The following COLGALT2 variants were observed in gnomAD, a reference collection of about 807,000 sequenced individuals.
The protein encoded by COLGALT2 is procollagen galactosyltransferase 2.
In COLGALT2, 49 loss-of-function variants were observed where a neutral mutation model predicts 73.4. The observed-to-expected ratio is 0.67, with a 90% CI of 0.53 to 0.85. The LOEUF (loss-of-function observed/expected upper bound fraction) is 0.85. Ranked by LOEUF, COLGALT2 falls within the 40% of genes least tolerant of loss-of-function variation. The pLI is 0.00. For synonymous variants in COLGALT2, 295 were observed against 307.6 expected (o/e 0.96, Z 0.43); for missense variants, 722 against 790.2 (o/e 0.91, Z 1.03).
At position 183,930,257 on chromosome 1, in the gene COLGALT2, TG is replaced by T. The variant is rs1362694800; in HGVS notation, c.1636del (p.Gln546LysfsTer16). On this transcript the variant is annotated frameshift_variant, in exon 12 of 12. Transcript: ENST00000649786. LOFTEE classifies it low-confidence loss of function (END_TRUNC). ...CCGTTGGCAGTCATCAGAAAGTGTT[TG>T]GAAGAGATGGCAGTGAGGACTTGAG... The T allele has an allele frequency of 2.2e-6, 1 of 456,144 alleles. No individual in the cohort carries two copies. The highest frequency in any genetic ancestry group is 2.0e-5 in the African/African-American group (1 of 50,038). 28.3% of individuals were successfully genotyped at this position (456,144 alleles called of 1,614,324 possible).
intron 2 of COLGALT2, among the ~76,000 whole-genome samples, chr1:183,975,684 T>C (rs1403399709): frequency 6.6e-6 from 1 of 152,252 alleles, no homozygotes; most frequent in Non-Finnish European, 1.5e-5. Context: ...AATCTACTTG[T>C]TGGAGTCTCC....
At chr1:183,990,600 G>A (rs750003741) in intron 1 of COLGALT2, among the ~76,000 whole-genome samples, 12 of 152,214 alleles carry the variant, frequency 7.9e-5, no homozygotes, top group Non-Finnish European at 1.5e-4. Flanking sequence ...GAAGGGCCAC[G>A]AGAGGCTTCT....
At chr1:183,932,285 C>T (rs542146487), downstream of COLGALT2, among the ~76,000 whole-genome samples, 23 of 152,284 alleles carry the variant, frequency 1.5e-4, no homozygotes, top group African/African-American at 5.5e-4. Flanking sequence ...TCCCTTAGCT[C>T]TTTGCCTTAT....
intron 1 of COLGALT2, among the ~76,000 whole-genome samples, chr1:184,006,832 C>A (rs1186448792): frequency 6.6e-6 from 1 of 152,138 alleles, no homozygotes; most frequent in African/African-American, 2.4e-5. Context: ...ATTCTAATAA[C>A]GTATTTTCCC....
chr1:184,036,681 A>G (rs974753225), intron 1 of COLGALT2, among the ~76,000 whole-genome samples: 2 of 152,202 alleles, frequency 1.3e-5, no homozygotes, highest in African/African-American at 4.8e-5. Flanking sequence ...CTACATGGGA[A>G]TACGGCGACA....
chr1:183,951,504 G>A (rs1158008389), intron 7 of COLGALT2, among the ~76,000 whole-genome samples: 2 of 152,074 alleles, frequency 1.3e-5, no homozygotes. Flanking sequence ...CAGTAAAGTT[G>A]CAAGATACAA....
chr1:183,987,412 C>T (rs1029212101), intron 1 of COLGALT2, among the ~76,000 whole-genome samples: 1 of 152,146 alleles, frequency 6.6e-6, no homozygotes, highest in African/African-American at 2.4e-5. Context: ...CAGCAGGATC[C>T]AAAAACATTT....
At chr1:184,011,901 C>T (rs60245272) in intron 1 of COLGALT2, among the ~76,000 whole-genome samples, 6,901 of 152,216 alleles carry the variant, frequency 0.045, 447 homozygotes, top group African/African-American at 0.14. Context: ...TCTCTGCACT[C>T]GCACTGGCTT....
Position 184,036,478 on chromosome 1 carries a change from G to A in COLGALT2, c.263+617C>T, listed in dbSNP as rs1469376607. On this transcript the variant is annotated intron_variant, in intron 1 of 11. Coordinates refer to ENST00000361927, the MANE Select transcript of COLGALT2 (RefSeq NM_015101.4). ...GCTCGCAGGAGACCAGGCCCACGGT[G>A]GTGCCATGGTTGGGCACACTCCGCG... Among the ~76,000 whole-genome samples, 2 of 152,226 alleles carry A rather than the reference G, an allele frequency of 1.3e-5. 1 individual carries two copies. Among genetic ancestry groups the A allele is most frequent in the South Asian group, 4.1e-4 (2 of 4,826 alleles).
intron 1 of COLGALT2, among the ~76,000 whole-genome samples, chr1:184,023,110 C>T (rs1272880406): frequency 6.6e-6 from 1 of 152,086 alleles, no homozygotes; most frequent in Non-Finnish European, 1.5e-5. Context: ...AAACTAAACC[C>T]CTAGTGTAAG....
Position 183,969,403 on chromosome 1 carries a change from G to C in COLGALT2, c.698C>G (p.Pro233Arg), listed in dbSNP as rs149948023. 3 of 1,613,732 alleles carry C rather than the reference G, an allele frequency of 1.9e-6. No individual in the cohort carries two copies. In the African/African-American group the frequency reaches 4.0e-5, roughly 22 times the overall value. ...EWKRTGCFPV[P>R]MVHSTFLIDL... is the part of the protein sequence containing the mutation. ...AATTAGGAAGGTGGAGTGGACCATGGGGACGGGGAAGCAGCCTGTCCTCTT... is the reference window on the plus strand; with the variant it reads ...AATTAGGAAGGTGGAGTGGACCATGCGGACGGGGAAGCAGCCTGTCCTCTT... The change falls in exon 5 of 12, where the codon CCC becomes CGC. Residue 233 changes from proline to arginine, a missense_variant. Transcript: ENST00000361927.
intron 1 of COLGALT2, among the ~76,000 whole-genome samples, chr1:183,980,136 AGT>A (rs1671308075): frequency 1.3e-5 from 2 of 152,034 alleles, no homozygotes; most frequent in Non-Finnish European, 2.9e-5. Flanking sequence ...AGAAAAATTC[AGT>A]TTTATATGCT....
At chr1:183,961,124 G>A (rs1670688252) in intron 6 of COLGALT2, among the ~76,000 whole-genome samples, 1 of 152,016 alleles carries the variant, frequency 6.6e-6, no homozygotes, top group African/African-American at 2.4e-5. Context: ...CTCCTATTGT[G>A]TTCTATATTT....
At chr1:183,984,648 G>C (rs919134668) in intron 1 of COLGALT2, among the ~76,000 whole-genome samples, 3 of 152,146 alleles carry the variant, frequency 2.0e-5, no homozygotes, top group Non-Finnish European at 2.9e-5. Flanking sequence ...TTTGGAGCTA[G>C]TACCTGAAAA....
rs192118443 is a variant in COLGALT2, at chr1:183,944,363, T to C, written c.1270-40A>G. The C allele has an allele frequency of 2.1e-5, 33 of 1,580,644 alleles. No homozygotes were observed. The Admixed American group carries it at 3.8e-4, about 18-fold the overall frequency. On this transcript the variant is annotated intron_variant, in intron 9 of 11. Coordinates refer to ENST00000361927, the MANE Select transcript of COLGALT2 (RefSeq NM_015101.4). ...AGTAGGAAGATACCCTATGAAAAGTTTGAAACCCAATTTTTATTAGATAAA... is the reference window on the plus strand; with the variant it reads ...AGTAGGAAGATACCCTATGAAAAGTCTGAAACCCAATTTTTATTAGATAAA...
intron 1 of COLGALT2, among the ~76,000 whole-genome samples, chr1:183,984,826 T>C (rs1247683678): frequency 6.6e-6 from 1 of 152,154 alleles, no homozygotes; most frequent in Non-Finnish European, 1.5e-5. Flanking sequence ...CAAAATTGAA[T>C]TAGGACTAAG....
chr1:183,993,583 A>T (rs1345174870), intron 1 of COLGALT2, among the ~76,000 whole-genome samples: 1 of 152,120 alleles, frequency 6.6e-6, no homozygotes, highest in Non-Finnish European at 1.5e-5. Context: ...CCTGAGGAAC[A>T]AGTAGACCAA....
chr1:183,948,405 G>C (rs1331487895), intron 8 of COLGALT2, among the ~76,000 whole-genome samples: 1 of 152,122 alleles, frequency 6.6e-6, no homozygotes, highest in Non-Finnish European at 1.5e-5. Context: ...ATTATCCCAG[G>C]GTTGCAAGTT....
At chr1:183,978,067 C>T in intron 2 of COLGALT2, among the ~76,000 whole-genome samples, 1 of 151,992 alleles carries the variant, frequency 6.6e-6, no homozygotes, top group Non-Finnish European at 1.5e-5. Flanking sequence ...AAAAAGCAAG[C>T]TCTATGTAGA....
Sources: allele counts gnomAD v4.1 joint callset (sites outside exome capture counted in the v4.1 genomes callset), GRCh38; gene constraint gnomAD v4.1.1; transcripts MANE v1.5; gene names NCBI Gene and HGNC (gene_info 2026-07-23, HGNC 2026-07-21).